SEL1L3: variants seen among roughly 807,000 people sequenced by gnomAD.
SEL1L3 encodes protein sel-1 homolog 3.
In SEL1L3, 76 loss-of-function variants were observed where a neutral mutation model predicts 142.8. The ratio of observed to expected loss-of-function variants is 0.53; its 90% confidence interval spans 0.44 to 0.64. The LOEUF (loss-of-function observed/expected upper bound fraction) is 0.64. SEL1L3 is among the 30% of genes least tolerant of loss of function. SEL1L3 has a pLI of 0.00. For missense variants in SEL1L3, 1,262 were observed against 1,381.7 expected (o/e 0.91, Z 1.37); for synonymous variants, 504 against 519.6 (o/e 0.97, Z 0.41).
At position 25,759,127 on chromosome 4, in the gene SEL1L3, C is replaced by T. The variant is rs568459636; in HGVS notation, c.2956-59G>A. The T allele has an allele frequency of 6.4e-6, 10 of 1,562,264 alleles. No individual in the cohort carries two copies. The East Asian group carries it at 9.0e-5, about 14-fold the overall frequency. On this transcript the variant is annotated intron_variant, in intron 20 of 23. Transcript: ENST00000399878. ...CCTTGAAATAAAACCTAGACACACA[C>T]TCTTCATCAGAATGTAAATGTTTAC...
chr4:25,754,260 C>T (rs1470804924), intron 23 of SEL1L3, among the ~76,000 whole-genome samples: 1 of 151,498 alleles, frequency 6.6e-6, no homozygotes, highest in Non-Finnish European at 1.5e-5. Flanking sequence ...TGAGATTGCA[C>T]CATTGCACTC....
At chr4:25,761,419 G>C (rs1718369965) in intron 20 of SEL1L3, among the ~76,000 whole-genome samples, 1 of 152,108 alleles carries the variant, frequency 6.6e-6, no homozygotes, top group African/African-American at 2.4e-5. Context: ...GCCTCCCAAA[G>C]TGCTGGCACT....
chr4:25,744,473 C>T (rs1051911223), downstream of SEL1L3, among the ~76,000 whole-genome samples: 2 of 151,628 alleles, frequency 1.3e-5, no homozygotes, highest in South Asian at 2.1e-4. Flanking sequence ...CATGCCTCAG[C>T]CTCCTGAGTA....
intron 1 of SEL1L3, among the ~76,000 whole-genome samples, chr4:25,853,252 A>G (rs1332293820): frequency 6.6e-6 from 1 of 152,180 alleles, no homozygotes; most frequent in Non-Finnish European, 1.5e-5. Flanking sequence ...TCCAAAATAA[A>G]AATAAAAATA....
chr4:25,740,704 C>G, the SEL1L3 span, among the ~76,000 whole-genome samples: 1 of 152,166 alleles, frequency 6.6e-6, no homozygotes, highest in Non-Finnish European at 1.5e-5. Context: ...ACATTGTTCA[C>G]CTGTTTACTC....
At chr4:25,745,013 T>TTTTG (rs150653131), downstream of SEL1L3, among the ~76,000 whole-genome samples, 140 of 151,396 alleles carry the variant, frequency 9.2e-4, no homozygotes, top group Non-Finnish European at 1.4e-3. Context: ...ACATTAGGGT[T>TTTTG]TTTGTTTGTT....
intron 2 of SEL1L3, among the ~76,000 whole-genome samples, chr4:25,845,289 G>A (rs1716435526): frequency 6.6e-6 from 1 of 152,122 alleles, no homozygotes; most frequent in Non-Finnish European, 1.5e-5. Flanking sequence ...GAGCCTAGGA[G>A]TTCAAGACCA....
chr4:25,788,217 T>C lies in SEL1L3; in HGVS notation c.2217+7A>G. ...CACAATTTCAGCACGAATTAAGTGA[T>C]TCTTACCTTGAATAGCACAATGGCA... On this transcript the variant is annotated splice_region_variant and intron_variant, in intron 13 of 23. Transcript: ENST00000399878. This position sits in a 1 kb window ranked among gnomAD's most constrained non-coding sequence, Gnocchi z 5.3. The C allele has an allele frequency of 1.2e-6, 2 of 1,613,078 alleles. No homozygotes were observed. Among genetic ancestry groups the C allele is most frequent in the Non-Finnish European group, 1.7e-6 (2 of 1,179,666 alleles).
At chr4:25,799,771 T>C (rs1250320487) in intron 11 of SEL1L3, among the ~76,000 whole-genome samples, 1 of 152,162 alleles carries the variant, frequency 6.6e-6, no homozygotes, top group Non-Finnish European at 1.5e-5. Context: ...ATGTGTTTCT[T>C]TTGCAGTATG....
chr4:25,803,974 A>C (rs1451560123), intron 10 of SEL1L3, among the ~76,000 whole-genome samples: 1 of 152,186 alleles, frequency 6.6e-6, no homozygotes, highest in African/African-American at 2.4e-5. Flanking sequence ...CTTTGTAAGA[A>C]ACCTCTTCCT....
intron 7 of SEL1L3, among the ~76,000 whole-genome samples, chr4:25,820,787 A>AT (rs1451136176): frequency 2.0e-5 from 3 of 151,694 alleles, no homozygotes; most frequent in African/African-American, 4.8e-5. Flanking sequence ...TCTTTTTTTA[A>AT]TTTTTTTTAT....
chr4:25,852,252 G>C (rs1331653267), intron 1 of SEL1L3, among the ~76,000 whole-genome samples: 2 of 152,146 alleles, frequency 1.3e-5, no homozygotes, highest in Non-Finnish European at 2.9e-5. Context: ...CAGCTGGTGG[G>C]TGAGCAAAGG....
intron 9 of SEL1L3, among the ~76,000 whole-genome samples, chr4:25,813,331 A>G (rs938036804): frequency 6.6e-6 from 1 of 152,250 alleles, no homozygotes; most frequent in Non-Finnish European, 1.5e-5. Context: ...ATGGATAAAT[A>G]AAGTGTGGTA....
chr4:25,848,218 G>T (rs964966950), intron 1 of SEL1L3, among the ~76,000 whole-genome samples: 3 of 152,240 alleles, frequency 2.0e-5, no homozygotes, highest in African/African-American at 7.2e-5. Flanking sequence ...GAATAAAACA[G>T]AGACAATGCA....
chr4:25,787,423 C>T (rs1711927878), intron 13 of SEL1L3, among the ~76,000 whole-genome samples: 2 of 152,132 alleles, frequency 1.3e-5, no homozygotes, highest in Admixed American at 1.3e-4. Context: ...CAGGTTCAAG[C>T]AGTTTTCCTG....
At chr4:25,806,717 C>T (rs1009134655) in intron 9 of SEL1L3, among the ~76,000 whole-genome samples, 19 of 152,150 alleles carry the variant, frequency 1.2e-4, no homozygotes, top group African/African-American at 3.6e-4. Flanking sequence ...CCCTGCCTAC[C>T]TCCTGGTTCT....
intron 3 of SEL1L3, 54 bp downstream of exon 3, chr4:25,835,143 C>A: frequency 1.2e-6 from 2 of 1,604,060 alleles, no homozygotes; most frequent in South Asian, 1.1e-5. Flanking sequence ...CTGCTCTGGT[C>A]CTCAAATAAA....
At chr4:25,775,708 C>A (rs192619005) in intron 17 of SEL1L3, among the ~76,000 whole-genome samples, 1 of 152,220 alleles carries the variant, frequency 6.6e-6, no homozygotes, top group African/African-American at 2.4e-5. Context: ...TGTTTCATCC[C>A]ATAAAGAACA....
At chr4:25,758,904 C>G (rs938359240) in intron 21 of SEL1L3, 37 bp downstream of exon 21, 6 of 1,580,150 alleles carry the variant, frequency 3.8e-6, no homozygotes, top group Non-Finnish European at 5.1e-6. Context: ...TACTTGGGTT[C>G]CCTCAGATTC....
Sources: allele counts gnomAD v4.1 joint callset (sites outside exome capture counted in the v4.1 genomes callset), GRCh38; gene constraint gnomAD v4.1.1; non-coding constraint Gnocchi (gnomAD v3.1); transcripts MANE v1.5; gene names NCBI Gene and HGNC (gene_info 2026-07-23, HGNC 2026-07-21).